Variants in GRIP2 observed in about 807,000 individuals in gnomAD.
GRIP2 encodes glutamate receptor-interacting protein 2.
GRIP2 carries 58 observed loss-of-function variants against 108.3 expected under a neutral mutation model. That is an observed-to-expected ratio of 0.54 (90% confidence interval 0.43 to 0.67). The LOEUF is 0.67. GRIP2 is among the 30% of genes least tolerant of loss of function. The probability of loss-of-function intolerance (pLI) is 0.00; values close to 1 mark genes in which losing one functional copy is unlikely to be tolerated. For missense variants in GRIP2, 1,278 were observed against 1,430.6 expected (o/e 0.89, Z 1.72); for synonymous variants, 586 against 598.2 (o/e 0.98, Z 0.30).
chr3:14,501,064 T>A (rs887287459), intron 21 of GRIP2, among the ~76,000 whole-genome samples: 1 of 152,178 alleles, frequency 6.6e-6, no homozygotes, highest in Non-Finnish European at 1.5e-5. Flanking sequence ...TAAAAAGGGA[T>A]GAAGTACTGA....
At chr3:14,523,750 G>T in intron 4 of GRIP2, 52 bp from the exon 5 acceptor site, 3 of 1,226,616 alleles carry the variant, frequency 2.4e-6, no homozygotes, top group Non-Finnish European at 3.6e-6. Context: ...TCTCCAGGCC[G>T]GTAGATGTGC....
intron 1 of GRIP2, among the ~76,000 whole-genome samples, chr3:14,530,300 G>C (rs1252994364): frequency 6.6e-6 from 1 of 152,198 alleles, no homozygotes; most frequent in Non-Finnish European, 1.5e-5. Flanking sequence ...TAAAACCCAA[G>C]CCTTCGGCTA....
chr3:14,577,102 C>T, the GRIP2 span, among the ~76,000 whole-genome samples: 1 of 152,156 alleles, frequency 6.6e-6, no homozygotes, highest in Non-Finnish European at 1.5e-5. Context: ...AATTCTCTCC[C>T]TTCAAATTTT....
In GRIP2 at chr3:14,493,519, G is replaced by A. The variant is rs144434618; in HGVS notation, c.*146C>T. On this transcript the variant is annotated 3_prime_UTR_variant, in exon 24 of 24. Transcript: ENST00000621039. Reference sequence around the variant, plus strand: ...GCACCCCAGTCACCACAGACCTGGGGAACAGAGACCAAGCATCATCCCAGG... The same window carrying A: ...GCACCCCAGTCACCACAGACCTGGGAAACAGAGACCAAGCATCATCCCAGG... 7.5e-4 allele frequency: 748 copies of A among 1,001,540 alleles called. 7 individuals carry two copies. The East Asian group carries it at 0.015, about 20-fold the overall frequency. The allele number at this position is 1,001,540 out of a possible 1,614,324, so 62.0% of individuals were successfully genotyped here. A position where few individuals can be genotyped will look rare whatever the true frequency, so the allele number is the denominator to read the frequency against.
At chr3:14,545,265 G>A (rs61154942), upstream of GRIP2, among the ~76,000 whole-genome samples, 545 of 152,364 alleles carry the variant, frequency 3.6e-3, 6 homozygotes, top group African/African-American at 0.012. Flanking sequence ...CAGAGATGAG[G>A]AAGCCAGGGC....
the GRIP2 span, among the ~76,000 whole-genome samples, chr3:14,597,073 G>C: frequency 6.6e-6 from 1 of 152,184 alleles, no homozygotes; most frequent in South Asian, 2.1e-4. Context: ...GTGAGTTACT[G>C]AACCAGTGGA....
At chr3:14,495,033 GC>G (rs1163415229) in intron 22 of GRIP2, 44 bp from the exon 23 acceptor site, 1 of 1,604,496 alleles carries the variant, frequency 6.2e-7, no homozygotes, top group East Asian at 2.2e-5. Flanking sequence ...TCTGACCTTT[GC>G]CCCCAGCCTC....
intron 1 of GRIP2, among the ~76,000 whole-genome samples, chr3:14,527,687 C>T (rs1008454720): frequency 1.4e-5 from 2 of 145,000 alleles, no homozygotes; most frequent in Admixed American, 7.3e-5. Context: ...GTCAGGAGTT[C>T]GAGACCAATC....
intron 10 of GRIP2, among the ~76,000 whole-genome samples, 155 bp downstream of exon 10, chr3:14,517,617 T>C (rs1450676984): frequency 1.4e-5 from 2 of 146,012 alleles, no homozygotes; most frequent in Non-Finnish European, 3.0e-5. Flanking sequence ...TCCTCCCGCC[T>C]CAGCCTCCCG....
At chr3:14,573,785 A>G in the GRIP2 span, 1 of 1,548,328 alleles carries the variant, frequency 6.5e-7, no homozygotes, top group Non-Finnish European at 8.9e-7. Context: ...AGACAGAGCC[A>G]AACTGTCTCT....
At chr3:14,537,511 C>T (rs1028378428) in intron 1 of GRIP2, among the ~76,000 whole-genome samples, 6 of 152,282 alleles carry the variant, frequency 3.9e-5, no homozygotes, top group African/African-American at 1.4e-4. Context: ...GCATGTAGTA[C>T]ATGCTCAGCA....
the GRIP2 span, among the ~76,000 whole-genome samples, chr3:14,586,380 TA>T: frequency 6.6e-6 from 1 of 152,214 alleles, no homozygotes; most frequent in Non-Finnish European, 1.5e-5. Context: ...ATGTGCGAGT[TA>T]AACAGTTGTA....
the GRIP2 span, among the ~76,000 whole-genome samples, chr3:14,565,060 T>G: frequency 1.3e-5 from 2 of 152,194 alleles, no homozygotes; most frequent in African/African-American, 4.8e-5. Context: ...TGGGTCTCTG[T>G]GCCAGGGGGT....
the GRIP2 span, chr3:14,573,482 G>A: frequency 6.5e-7 from 1 of 1,546,464 alleles, no homozygotes; most frequent in Non-Finnish European, 8.9e-7. Flanking sequence ...CCTCAGGGTT[G>A]AGGAAAGGCA....
At chr3:14,577,802 A>T in the GRIP2 span, among the ~76,000 whole-genome samples, 132 of 152,310 alleles carry the variant, frequency 8.7e-4, 2 homozygotes, top group South Asian at 0.027. Context: ...TGAAGTATCT[A>T]GCAGGGCACT....
chr3:14,493,462 T>C lies in GRIP2; in HGVS notation c.*203A>G. The C allele has an allele frequency of 1.6e-6, 1 of 611,706 alleles. No homozygotes were observed. Among genetic ancestry groups the C allele is most frequent in the Non-Finnish European group, 2.7e-6 (1 of 368,320 alleles). The allele number at this position is 611,706 out of a possible 1,614,324, so 37.9% of individuals were successfully genotyped here. The stretch of plus-strand genomic sequence containing the variant: ...CCAACTTGGCGAGAGACCCCAGCTG[T>C]CACTCCAACTAGGGCAGGACCTCCC... On this transcript the variant is annotated 3_prime_UTR_variant, in exon 24 of 24. Coordinates refer to ENST00000621039, the MANE Select transcript of GRIP2 (RefSeq NM_001080423.4).
chr3:14,581,762 T>C, the GRIP2 span, among the ~76,000 whole-genome samples: 1 of 152,228 alleles, frequency 6.6e-6, no homozygotes, highest in East Asian at 1.9e-4. Context: ...ATATGAGCAT[T>C]GAAGGTCTCT....
At chr3:14,499,536 T>G in intron 21 of GRIP2, among the ~76,000 whole-genome samples, 1 of 150,466 alleles carries the variant, frequency 6.6e-6, no homozygotes, top group African/African-American at 2.4e-5. Flanking sequence ...GGCAACATGG[T>G]GAAACCCTGT....
upstream of GRIP2, chr3:14,542,153 A>T (rs1206336999): frequency 1.9e-5 from 19 of 991,024 alleles, no homozygotes; most frequent in South Asian, 2.0e-4. Context: ...TTTATTTTTT[A>T]TTTTTTTTAT....
Sources: gnomAD v4.1 joint callset for allele counts (sites outside exome capture counted in the v4.1 genomes callset) on GRCh38, gnomAD v4.1.1 for gene constraint, MANE v1.5 for transcripts, NCBI Gene and HGNC (gene_info 2026-07-23, HGNC 2026-07-21) for gene names.